The following SPHKAP variants were observed in gnomAD, a reference collection of about 807,000 sequenced individuals.
SPHKAP encodes SPHK1 interactor, AKAP domain containing, also known as A-kinase anchor protein SPHKAP.
A neutral mutation model predicts 137.5 loss-of-function variants in SPHKAP; 67 were observed. The ratio of observed to expected loss-of-function variants is 0.49; its 90% CI spans 0.40 to 0.60. The LOEUF (loss-of-function observed/expected upper bound fraction) is 0.60. Ranked by LOEUF, SPHKAP falls within the 20% of genes least tolerant of loss-of-function variation. SPHKAP has a pLI of 0.00. For synonymous variants in SPHKAP, 813 were observed against 785.3 expected, an observed-to-expected ratio of 1.04 and a Z score of -0.59; for missense variants, 2,097 against 2,069.3, an observed-to-expected ratio of 1.01 and a Z score of -0.26.
intron 3 of SPHKAP, among the ~76,000 whole-genome samples, chr2:228,034,681 C>A (rs1054676290): frequency 5.3e-5 from 8 of 152,172 alleles, no homozygotes; most frequent in Non-Finnish European, 1.0e-4. Flanking sequence ...GCTTATCCAC[C>A]ATGATCAAGT....
intron 3 of SPHKAP, among the ~76,000 whole-genome samples, chr2:228,044,446 C>A (rs1253433946): frequency 6.6e-6 from 1 of 152,100 alleles, no homozygotes; most frequent in African/African-American, 2.4e-5. Flanking sequence ...TCTATTTGGC[C>A]TGCTCCAGGT....
Position 228,019,931 on chromosome 2 carries a change from C to T in SPHKAP, c.923G>A (p.Trp308Ter). The change falls in exon 7 of 12, where the codon TGG becomes TAG. Residue 308 changes from tryptophan (W) to a stop codon, truncating the protein, a stop_gained. Transcript: ENST00000392056. LOFTEE classifies it high-confidence loss of function. ...CCCATTCCCCACAGCTTCTCTTTTC[C>T]ACTGTGATGGCTTGGCTGAGGGATC... ...SLDPSAKPSQ[W>*]KREAVGNGRQ... 6.2e-7 allele frequency: 1 copy of T among 1,614,182 alleles called. No homozygotes were observed. Among genetic ancestry groups the T allele is most frequent in the Non-Finnish European group, 8.5e-7 (1 of 1,180,022 alleles).
chr2:228,061,273 T>A (rs898976374), intron 3 of SPHKAP, among the ~76,000 whole-genome samples: 1 of 152,056 alleles, frequency 6.6e-6, no homozygotes, highest in Admixed American at 6.6e-5. Context: ...TTATTTTTTA[T>A]TTTTTTGAGA....
intron 1 of SPHKAP, among the ~76,000 whole-genome samples, chr2:228,178,862 T>A (rs1422688794): frequency 1.3e-5 from 2 of 151,826 alleles, no homozygotes; most frequent in African/African-American, 4.8e-5. Context: ...ATATTCATAG[T>A]AAAAATGAAT....
chr2:228,161,154 C>T lies in SPHKAP; in HGVS notation c.32+20413G>A, dbSNP rs568685933. 5.6e-4 allele frequency among the ~76,000 whole-genome samples: 85 copies of T among 152,182 alleles called. 1 individual carries two copies. The highest frequency in any genetic ancestry group is 9.1e-4 in the Non-Finnish European group (62 of 68,026). The stretch of plus-strand genomic sequence containing the variant: ...AGTAAAGGAAGTCCAGGGAAAGCTT[C>T]ACTGGGAGTCTGGCTTATAAAGGAT... On this transcript the variant is annotated intron_variant, in intron 1 of 11. Coordinates refer to ENST00000392056, the MANE Select transcript of SPHKAP (RefSeq NM_001142644.2).
At chr2:228,153,501 C>T (rs115419958) in intron 1 of SPHKAP, among the ~76,000 whole-genome samples, 143 of 152,166 alleles carry the variant, frequency 9.4e-4, no homozygotes, top group Non-Finnish European at 1.3e-3. Flanking sequence ...TTCTAAACTG[C>T]GATTATTTTC....
At chr2:228,022,797 G>A (rs1160740683) in intron 5 of SPHKAP, among the ~76,000 whole-genome samples, 1 of 152,164 alleles carries the variant, frequency 6.6e-6, no homozygotes, top group Non-Finnish European at 1.5e-5. Context: ...TGATTAAATT[G>A]AGTCCCAGTT....
At chr2:228,122,574 G>A (rs1410291225) in intron 2 of SPHKAP, among the ~76,000 whole-genome samples, 1 of 152,202 alleles carries the variant, frequency 6.6e-6, no homozygotes, top group East Asian at 1.9e-4. Flanking sequence ...TCCCACCTAG[G>A]GTCACCACAT....
At chr2:227,983,863 TA>T (rs1415572987) in intron 11 of SPHKAP, among the ~76,000 whole-genome samples, 1 of 151,842 alleles carries the variant, frequency 6.6e-6, no homozygotes, top group Non-Finnish European at 1.5e-5. Context: ...AGCAGCAAAA[TA>T]AAAGCTGGTC....
At chr2:228,032,252 T>C (rs1352153696) in intron 3 of SPHKAP, among the ~76,000 whole-genome samples, 1 of 152,080 alleles carries the variant, frequency 6.6e-6, no homozygotes. Context: ...CCTAAGGAGC[T>C]GATGCGATCA....
intron 7 of SPHKAP, among the ~76,000 whole-genome samples, chr2:228,014,457 T>C (rs898079867): frequency 7.2e-5 from 11 of 152,258 alleles, no homozygotes; most frequent in Admixed American, 6.5e-4. Flanking sequence ...TACTGATGTA[T>C]AAAAATGTGT....
At chr2:228,040,185 C>T (rs1396252438) in intron 3 of SPHKAP, among the ~76,000 whole-genome samples, 4 of 152,036 alleles carry the variant, frequency 2.6e-5, no homozygotes, top group African/African-American at 9.7e-5. Context: ...AGAAGAAAAC[C>T]AATTCCTTCT....
intron 1 of SPHKAP, among the ~76,000 whole-genome samples, chr2:228,144,539 T>C (rs1367158147): frequency 6.6e-6 from 1 of 152,026 alleles, no homozygotes; most frequent in African/African-American, 2.4e-5. Context: ...TATTTTTTCT[T>C]GCCCCTTTCT....
intron 3 of SPHKAP, among the ~76,000 whole-genome samples, chr2:228,040,286 C>A (rs920034539): frequency 6.6e-6 from 1 of 152,128 alleles, no homozygotes; most frequent in Non-Finnish European, 1.5e-5. Flanking sequence ...ATTCACAAAG[C>A]GTCTAAAGAA....
chr2:228,050,103 T>TGAAGA (rs1696204007), intron 3 of SPHKAP, among the ~76,000 whole-genome samples: 1 of 152,166 alleles, frequency 6.6e-6, no homozygotes, highest in Non-Finnish European at 1.5e-5. Context: ...TCAACATTAC[T>TGAAGA]AATTCTCACA....
intron 1 of SPHKAP, among the ~76,000 whole-genome samples, chr2:228,151,885 C>T (rs1337583590): frequency 2.6e-5 from 4 of 151,988 alleles, no homozygotes; most frequent in African/African-American, 4.8e-5. Context: ...ATATGCGTTT[C>T]TCTTAAAATG....
intron 1 of SPHKAP, chr2:228,172,846 T>G (rs1444965580): frequency 1.5e-4 from 24 of 164,554 alleles, no homozygotes; most frequent in Non-Finnish European, 2.8e-4. Context: ...AAGTCACACA[T>G]GAGATCTTTA....
intron 7 of SPHKAP, among the ~76,000 whole-genome samples, chr2:228,007,926 C>G (rs1160442648): frequency 6.6e-6 from 1 of 152,084 alleles, no homozygotes; most frequent in Non-Finnish European, 1.5e-5. Flanking sequence ...GGATTAAATA[C>G]TTAAATGTAA....
At position 228,131,784 on chromosome 2, in the gene SPHKAP, T is replaced by C. The variant is rs574406433; in HGVS notation, c.138+196A>G. The C allele has an allele frequency of 1.9e-5, 19 of 984,654 alleles. 1 individual carries two copies. The African/African-American group carries it at 3.3e-4, about 17-fold the overall frequency. The allele number at this position is 984,654 out of a possible 1,614,324, so 61.0% of individuals were successfully genotyped here. A position where few individuals can be genotyped will look rare whatever the true frequency, so the allele number is the denominator to read the frequency against. Reference sequence around the variant, plus strand: ...ATGGCAGTGGAGGCTTATGATTTTCTATGCCTGAATTTTCTCATCATTTCC... The same window carrying C: ...ATGGCAGTGGAGGCTTATGATTTTCCATGCCTGAATTTTCTCATCATTTCC... On this transcript the variant is annotated intron_variant, in intron 2 of 11. Transcript: ENST00000392056.
Sources: allele counts gnomAD v4.1 joint callset (sites outside exome capture counted in the v4.1 genomes callset), GRCh38; gene constraint gnomAD v4.1.1; transcripts MANE v1.5; gene names NCBI Gene and HGNC (gene_info 2026-07-23, HGNC 2026-07-21).